ADGRL3: variants seen among roughly 807,000 people sequenced by gnomAD.
ADGRL3 encodes the protein adhesion G protein-coupled receptor L3, also known as calcium-independent alpha-latrotoxin receptor 3.
A neutral mutation model predicts 153.5 loss-of-function variants in ADGRL3; 62 were observed. The ratio of observed to expected loss-of-function variants is 0.40; its 90% CI spans 0.33 to 0.50. The LOEUF is 0.50. ADGRL3 is among the 20% of genes least tolerant of loss of function. The pLI is 0.47. For synonymous variants in ADGRL3, 710 were observed against 672.5 expected (o/e 1.06, Z -0.86); for missense variants, 1,641 against 1,859.4 (o/e 0.88, Z 2.16).
chr4:61,708,851 C>T (rs1036623546), intron 6 of ADGRL3, among the ~76,000 whole-genome samples: 3 of 151,686 alleles, frequency 2.0e-5, no homozygotes, highest in Non-Finnish European at 4.4e-5. Flanking sequence ...ACTCTGTTGC[C>T]CAGGCTGGAG....
At chr4:61,356,482 A>G (rs755539352) in intron 1 of ADGRL3, among the ~76,000 whole-genome samples, 3 of 152,108 alleles carry the variant, frequency 2.0e-5, no homozygotes, top group Non-Finnish European at 4.4e-5. Flanking sequence ...TCTAATGATC[A>G]TATACAACAG....
At chr4:61,393,553 ATAAT>A (rs1411686253) in intron 2 of ADGRL3, among the ~76,000 whole-genome samples, 1 of 152,118 alleles carries the variant, frequency 6.6e-6, no homozygotes, top group Non-Finnish European at 1.5e-5. Context: ...AATGTCAATA[ATAAT>A]TTAGAGCCTT....
intron 4 of ADGRL3, among the ~76,000 whole-genome samples, chr4:61,576,262 C>G (rs754206461): frequency 6.6e-6 from 1 of 151,916 alleles, no homozygotes; most frequent in Non-Finnish European, 1.5e-5. Flanking sequence ...TTCATTTTCA[C>G]TCAAAAGGTC....
At chr4:61,494,378 G>A (rs1378465270) in intron 2 of ADGRL3, among the ~76,000 whole-genome samples, 5 of 152,052 alleles carry the variant, frequency 3.3e-5, no homozygotes, top group Middle Eastern at 3.2e-3. Flanking sequence ...AGGCAAAAAA[G>A]GCACAGAAAA....
chr4:61,806,986 G>T (rs2097559494), intron 8 of ADGRL3, among the ~76,000 whole-genome samples: 1 of 151,642 alleles, frequency 6.6e-6, no homozygotes, highest in Non-Finnish European at 1.5e-5. Flanking sequence ...TATTATTTTT[G>T]TCTTTCTTAT....
intron 6 of ADGRL3, among the ~76,000 whole-genome samples, chr4:61,728,238 C>A (rs1225398754): frequency 1.3e-5 from 2 of 152,032 alleles, no homozygotes; most frequent in Non-Finnish European, 2.9e-5. Context: ...TAATAATTTT[C>A]TCCAAAGCAC....
At chr4:61,437,912 G>T (rs925832654) in intron 2 of ADGRL3, among the ~76,000 whole-genome samples, 3 of 152,100 alleles carry the variant, frequency 2.0e-5, no homozygotes, top group Non-Finnish European at 2.9e-5. Context: ...TCTTCCACTG[G>T]ACATTAATGA....
chr4:61,935,054 G>T, intron 14 of ADGRL3, 31 bp downstream of exon 14: 1 of 1,592,206 alleles, frequency 6.3e-7, no homozygotes, highest in South Asian at 1.1e-5. Flanking sequence ...AGAAGGTCCA[G>T]ACACTCTTGT....
In ADGRL3 at chr4:61,758,831, C is replaced by T. The variant is rs1258001300; in HGVS notation, c.1399+25277C>T. On this transcript the variant is annotated intron_variant, in intron 8 of 26. Transcript: ENST00000683033. ...AGTGGCTGGAACCGCTTGTTCCTTT[C>T]CATGTTTAGTGCTTCCTTCAGGAGC... 2.0e-5 allele frequency among the ~76,000 whole-genome samples: 3 copies of T among 152,294 alleles called. No homozygotes were observed. In the East Asian group the frequency reaches 5.8e-4, roughly 29 times the overall value.
rs186748153 is a variant in ADGRL3 at position 61,330,267 on chromosome 4, C to T, written c.-239-52857C>T. Among the ~76,000 whole-genome samples, 27 of 152,144 alleles carry T rather than the reference C, an allele frequency of 1.8e-4. No individual in the cohort carries two copies. In the East Asian group the frequency reaches 5.0e-3, roughly 28 times the overall value. On this transcript the variant is annotated intron_variant, in intron 1 of 26. Coordinates refer to ENST00000683033, the MANE Select transcript of ADGRL3 (RefSeq NM_001387552.1). Reference sequence around the variant, plus strand: ...CTAGGTGTGTTTGGGAGGATGTCTCCAGAAAAGATTAGCATTTGAATTGGT... The same window carrying T: ...CTAGGTGTGTTTGGGAGGATGTCTCTAGAAAAGATTAGCATTTGAATTGGT...
intron 9 of ADGRL3, among the ~76,000 whole-genome samples, chr4:61,873,814 A>G (rs1386785705): frequency 1.3e-5 from 2 of 151,976 alleles, no homozygotes; most frequent in African/African-American, 4.8e-5. Flanking sequence ...TTTTGTCACA[A>G]TGAGAGGTGG....
chr4:61,577,684 A>G (rs1420551805), intron 4 of ADGRL3, among the ~76,000 whole-genome samples: 1 of 151,720 alleles, frequency 6.6e-6, no homozygotes, highest in Non-Finnish European at 1.5e-5. Flanking sequence ...ATGGTGGCGC[A>G]TGGCTGTAGT....
At position 61,294,907 on chromosome 4, in the gene ADGRL3, A is replaced by T. The variant is rs60440385; in HGVS notation, c.-239-88217A>T. ...TTTACACACACACACACACACTCAC[A>T]CACACACACACACACACACACACAC... On this transcript the variant is annotated intron_variant, in intron 1 of 26. Transcript: ENST00000683033. Among the ~76,000 whole-genome samples the T allele has an allele frequency of 4.3e-3, 144 of 33,866 alleles. 1 individual carries two copies. Among genetic ancestry groups the T allele is most frequent in the East Asian group, 0.038 (57 of 1,494 alleles). The allele number at this position is 33,866 out of a possible 152,430, so 22.2% of individuals were successfully genotyped here. A position where few individuals can be genotyped will look rare whatever the true frequency, so the allele number is the denominator to read the frequency against.
chr4:61,742,570 G>A (rs899794506), intron 8 of ADGRL3, among the ~76,000 whole-genome samples: 19 of 152,176 alleles, frequency 1.2e-4, no homozygotes, highest in African/African-American at 3.6e-4. Context: ...GTGAGACACC[G>A]CACCCGGCCT....
intron 6 of ADGRL3, among the ~76,000 whole-genome samples, chr4:61,693,962 A>G (rs2095586755): frequency 6.6e-6 from 1 of 152,112 alleles, no homozygotes; most frequent in Non-Finnish European, 1.5e-5. Context: ...GATCTTAAGT[A>G]TGACATTCAT....
chr4:62,076,997 C>G lies in ADGRL3; in HGVS notation c.*6089C>G, dbSNP rs1289053455. ...TATATATATGAATATTACATTGAGA[C>G]TGAACAAATAACCACTCTGCTCCAA... On this transcript the variant is annotated 3_prime_UTR_variant, in exon 27 of 27. Transcript: ENST00000683033. The G allele has an allele frequency of 6.6e-6, 1 of 151,554 alleles. No homozygotes were observed. The highest frequency in any genetic ancestry group is 1.5e-5 in the Non-Finnish European group (1 of 67,770). 9.4% of individuals were successfully genotyped at this position (151,554 alleles called of 1,614,324 possible).
intron 17 of ADGRL3, among the ~76,000 whole-genome samples, chr4:61,954,719 C>T (rs187709628): frequency 6.6e-6 from 1 of 152,124 alleles, no homozygotes; most frequent in Admixed American, 6.6e-5. Context: ...CTTCTCAACA[C>T]TCCCCATCCC....
At chr4:61,745,793 T>C (rs1258141560) in intron 8 of ADGRL3, among the ~76,000 whole-genome samples, 1 of 152,090 alleles carries the variant, frequency 6.6e-6, no homozygotes, top group African/African-American at 2.4e-5. Context: ...AGGAATAAAC[T>C]GCATCAACTC....
At chr4:61,477,164 A>G (rs918874153) in intron 2 of ADGRL3, among the ~76,000 whole-genome samples, 8 of 152,276 alleles carry the variant, frequency 5.3e-5, no homozygotes, top group African/African-American at 1.7e-4. Flanking sequence ...TTGAGCCTCT[A>G]TTCAAATTAC....
Sources: allele counts gnomAD v4.1 joint callset (sites outside exome capture counted in the v4.1 genomes callset), GRCh38; gene constraint gnomAD v4.1.1; transcripts MANE v1.5; gene names NCBI Gene and HGNC (gene_info 2026-07-23, HGNC 2026-07-21).